EIF4E1B: variants seen among roughly 807,000 people sequenced by gnomAD.
EIF4E1B encodes eukaryotic translation initiation factor 4E type 1B.
EIF4E1B carries 22 observed loss-of-function variants against 31.3 expected under a neutral mutation model. That is an observed-to-expected ratio of 0.70 (90% confidence interval 0.50 to 1.00). EIF4E1B has a LOEUF of 1.00. Among genes scored for constraint, EIF4E1B ranks in the 50% least tolerant of loss-of-function variants. The probability of loss-of-function intolerance (pLI) is 0.00; values close to 1 mark genes in which losing one functional copy is unlikely to be tolerated. For missense variants in EIF4E1B, 290 were observed against 311.6 expected (o/e 0.93, Z 0.52); for synonymous variants, 126 against 120.2 (o/e 1.05, Z -0.31).
In EIF4E1B at chr5:176,642,707, C is replaced by T; in HGVS notation, c.-78-3C>T. The T allele has an allele frequency of 2.6e-6, 4 of 1,542,804 alleles. No homozygotes were observed. The highest frequency in any genetic ancestry group is 1.2e-5 in the South Asian group (1 of 83,114). ...GGCTCCAAATATTGACGCTTACCTT[C>T]AGGTCTTGGCCCCCATGGTGTGGGG... On this transcript the variant is annotated splice_polypyrimidine_tract_variant and splice_region_variant and intron_variant, in intron 2 of 8. Transcript: ENST00000318682.
At chr5:176,642,865 C>CTGCCCG (rs56115420) in intron 3 of EIF4E1B, 63 bp downstream of exon 3, 50 of 1,173,010 alleles carry the variant, frequency 4.3e-5, no homozygotes, top group Non-Finnish European at 5.2e-5. Flanking sequence ...CCCCCCCCCC[C>CTGCCCG]GCCCCAGGTG....
At chr5:176,644,830 C>T (rs889847236) in intron 6 of EIF4E1B, among the ~76,000 whole-genome samples, 7 of 152,208 alleles carry the variant, frequency 4.6e-5, no homozygotes, top group South Asian at 2.1e-4. Context: ...GGATGTCCCC[C>T]TTGCCTGCAT....
At position 176,645,635 on chromosome 5, in the gene EIF4E1B, G is replaced by T; in HGVS notation, c.614+119G>T. 1 of 1,373,742 alleles carries T rather than the reference G, an allele frequency of 7.3e-7. No individual in the cohort carries two copies. 85.1% of individuals were successfully genotyped at this position (1,373,742 alleles called of 1,614,324 possible). On this transcript the variant is annotated intron_variant, in intron 8 of 8. Coordinates refer to ENST00000318682, the MANE Select transcript of EIF4E1B (RefSeq NM_001099408.2). The surrounding 1 kb of genome is among the most constrained non-coding windows in gnomAD (Gnocchi z 5.4). ...AGTCTCCATAGCCTCCCTCCCTTCT[G>T]CCTTGCCCACCTGTATGGAAGGTCT...
intron 1 of EIF4E1B, among the ~76,000 whole-genome samples, chr5:176,635,654 A>G (rs78690547): frequency 0.01 from 1,574 of 152,314 alleles, 32 homozygotes; most frequent in African/African-American, 0.034. Context: ...AGTCATCAGG[A>G]ACCCAGACTC....
chr5:176,640,204 T>C (rs1273973879), intron 1 of EIF4E1B, among the ~76,000 whole-genome samples: 1 of 152,218 alleles, frequency 6.6e-6, no homozygotes, highest in Non-Finnish European at 1.5e-5. Flanking sequence ...AGCAGCCACA[T>C]GGAGAGGCCA....
Position 176,645,153 on chromosome 5 carries a change from G to A in EIF4E1B, c.384G>A (p.Glu128=). The A allele has an allele frequency of 6.4e-7, 1 of 1,570,264 alleles. No individual in the cohort carries two copies. Among genetic ancestry groups the A allele is most frequent in the South Asian group, 1.2e-5 (1 of 85,468 alleles). ...AGGATGGCATCCAGCCCATGTGGGA[G>A]GACAGCAGGAATAAACGGGGTGGCC... is the stretch of plus-strand genomic sequence containing the variant. The part of the protein sequence containing the change: ...LFKDGIQPMW[E]DSRNKRGGRW... The change falls in exon 7 of 9, where the codon GAG becomes GAA. Residue 128 remains glutamate (E), a synonymous_variant. Transcript: ENST00000318682. The surrounding 1 kb of genome is among the most constrained non-coding windows in gnomAD (Gnocchi z 5.4).
chr5:176,642,865 C>CGG (rs1554151088), intron 3 of EIF4E1B, 63 bp downstream of exon 3: 22 of 1,169,734 alleles, frequency 1.9e-5, no homozygotes, highest in Admixed American at 3.0e-5. Flanking sequence ...CCCCCCCCCC[C>CGG]GCCCCAGGTG....
At position 176,645,849 on chromosome 5, in the gene EIF4E1B, G is replaced by A; in HGVS notation, c.615-17G>A. On this transcript the variant is annotated splice_polypyrimidine_tract_variant and intron_variant, in intron 8 of 8. Transcript: ENST00000318682. The surrounding 1 kb of genome is among the most constrained non-coding windows in gnomAD (Gnocchi z 5.4). ...ACTACCTGTGTCTCTTTTCCTCTGT[G>A]TCCCCCGCACCTGCAGGCGTGTATA... 6.4e-7 allele frequency: 1 copy of A among 1,556,608 alleles called. No individual in the cohort carries two copies. Among genetic ancestry groups the A allele is most frequent in the Non-Finnish European group, 8.7e-7 (1 of 1,149,892 alleles).
chr5:176,634,156 G>A (rs114419524), intron 1 of EIF4E1B, among the ~76,000 whole-genome samples: 226 of 152,002 alleles, frequency 1.5e-3, no homozygotes, highest in African/African-American at 5.3e-3. Flanking sequence ...AGCTTGGTGG[G>A]GGGATGATGA....
intron 3 of EIF4E1B, 108 bp downstream of exon 3, chr5:176,642,910 G>T: frequency 2.8e-6 from 4 of 1,446,010 alleles, no homozygotes; most frequent in Non-Finnish European, 3.7e-6. Context: ...AAAGCTGGTA[G>T]CTGGGGGCTT....
At chr5:176,636,744 C>T (rs1315527401) in intron 1 of EIF4E1B, among the ~76,000 whole-genome samples, 7 of 152,256 alleles carry the variant, frequency 4.6e-5, no homozygotes, top group Non-Finnish European at 8.8e-5. Context: ...TACGTCACGA[C>T]GTCCTCACGG....
chr5:176,641,159 A>G (rs1330933791), intron 1 of EIF4E1B, among the ~76,000 whole-genome samples: 1 of 152,042 alleles, frequency 6.6e-6, no homozygotes, highest in Non-Finnish European at 1.5e-5. Flanking sequence ...CCTCTACAAA[A>G]TAAAACAAAA....
At chr5:176,640,057 T>C (rs12658909) in intron 1 of EIF4E1B, among the ~76,000 whole-genome samples, 40,334 of 152,124 alleles carry the variant, frequency 0.27, 5,532 homozygotes, top group Middle Eastern at 0.37. Context: ...AATCTGGGCC[T>C]GTGACTCTAG....
intron 1 of EIF4E1B, among the ~76,000 whole-genome samples, chr5:176,634,285 C>T (rs745746173): frequency 6.6e-6 from 1 of 152,066 alleles, no homozygotes; most frequent in African/African-American, 2.4e-5. Flanking sequence ...ATTTGAGCCA[C>T]GGTGTACTCA....
At chr5:176,643,324 T>C in intron 4 of EIF4E1B, 58 bp downstream of exon 4, 3 of 1,545,180 alleles carry the variant, frequency 1.9e-6, no homozygotes, top group Non-Finnish European at 2.6e-6. Context: ...GCCTCTGTGC[T>C]GGCAGCGTGG....
At chr5:176,643,369 T>G in intron 4 of EIF4E1B, 103 bp downstream of exon 4, 1 of 1,394,450 alleles carries the variant, frequency 7.2e-7, no homozygotes, top group Non-Finnish European at 9.7e-7. Flanking sequence ...GCCCTAGCTC[T>G]TCATCCGTGG....
intron 5 of EIF4E1B, 132 bp downstream of exon 5, chr5:176,643,866 G>C (rs1361692083): frequency 1.1e-6 from 1 of 906,110 alleles, no homozygotes; most frequent in East Asian, 2.7e-5. Context: ...GTTCTGCCCA[G>C]GGGGTATAGG....
At position 176,643,067 on chromosome 5, in the gene EIF4E1B, C is replaced by T; in HGVS notation, c.16-15C>T. 1 of 1,599,224 alleles carries T rather than the reference C, an allele frequency of 6.3e-7. No individual in the cohort carries two copies. The highest frequency in any genetic ancestry group is 8.5e-7 in the Non-Finnish European group (1 of 1,172,804). ...CAGAGCTCACAACCCATCCTGACTC[C>T]TTTTTTTGGCTCAGGTGAGTGAAGC... On this transcript the variant is annotated splice_polypyrimidine_tract_variant and intron_variant, in intron 3 of 8. Transcript: ENST00000318682.
At chr5:176,633,593 A>C (rs991948075) in intron 1 of EIF4E1B, among the ~76,000 whole-genome samples, 1 of 152,096 alleles carries the variant, frequency 6.6e-6, no homozygotes, top group Non-Finnish European at 1.5e-5. Flanking sequence ...TACAGGTATG[A>C]GCTATTGTAC....
Sources: gnomAD v4.1 joint callset for allele counts (sites outside exome capture counted in the v4.1 genomes callset) on GRCh38, gnomAD v4.1.1 for gene constraint, Gnocchi (gnomAD v3.1) non-coding constraint, MANE v1.5 for transcripts, NCBI Gene and HGNC (gene_info 2026-07-23, HGNC 2026-07-21) for gene names.